The following ART3 variants were observed in gnomAD, a reference collection of about 807,000 sequenced individuals.
ART3 encodes ecto-ADP-ribosyltransferase 3.
In ART3, 49 loss-of-function variants were observed where a neutral mutation model predicts 48.5. The ratio of observed to expected loss-of-function variants is 1.01; its 90% CI spans 0.80 to 1.28. The LOEUF (loss-of-function observed/expected upper bound fraction) is 1.28, where lower values mean the gene tolerates loss of function less well. Ranked by LOEUF, ART3 falls within the 50% of genes most tolerant of loss-of-function variation. ART3 has a pLI of 0.00. For synonymous variants in ART3, 145 were observed against 157.2 expected (o/e 0.92, Z 0.58); for missense variants, 438 against 454.3 (o/e 0.96, Z 0.33).
upstream of ART3, among the ~76,000 whole-genome samples, chr4:76,074,343 A>G (rs192735093): frequency 1.3e-5 from 2 of 152,310 alleles, no homozygotes; most frequent in East Asian, 3.9e-4. Context: ...TAGTTGAGCG[A>G]ATGGTGATAG....
At chr4:76,047,527 T>G (rs909724599) in intron 1 of ART3, among the ~76,000 whole-genome samples, 1 of 152,044 alleles carries the variant, frequency 6.6e-6, no homozygotes, top group African/African-American at 2.4e-5. Flanking sequence ...AAGGATTTTC[T>G]TCCTTTCCCT....
At chr4:76,031,734 G>A (rs942317664) in intron 1 of ART3, among the ~76,000 whole-genome samples, 3 of 152,060 alleles carry the variant, frequency 2.0e-5, no homozygotes, top group African/African-American at 7.2e-5. Flanking sequence ...AGTTTATATT[G>A]CCATTCAATA....
At chr4:76,037,136 A>G (rs1734500578) in intron 1 of ART3, 1 of 153,248 alleles carries the variant, frequency 6.5e-6, no homozygotes, top group African/African-American at 2.4e-5. Flanking sequence ...TACTTAGTAC[A>G]TGAAGTTGTA....
intron 1 of ART3, chr4:76,036,151 T>C: frequency 1.6e-6 from 1 of 612,080 alleles, no homozygotes; most frequent in South Asian, 2.1e-5. Flanking sequence ...TTTCCCTCTT[T>C]GAGTCATGCA....
chr4:76,095,767 A>G (rs571054906), intron 3 of ART3, among the ~76,000 whole-genome samples: 7 of 152,192 alleles, frequency 4.6e-5, no homozygotes, highest in Non-Finnish European at 7.3e-5. Context: ...GCTACAGACA[A>G]AAGGCTTTTA....
chr4:76,022,791 A>G (rs776216030), intron 1 of ART3: 1 of 1,612,072 alleles, frequency 6.2e-7, no homozygotes, highest in Non-Finnish European at 8.5e-7. Flanking sequence ...ATGCAGGTAC[A>G]GCGTACAGTT....
At chr4:76,035,440 G>A (rs1734294548) in intron 1 of ART3, 2 of 1,228,262 alleles carry the variant, frequency 1.6e-6, no homozygotes, top group South Asian at 2.9e-5. Flanking sequence ...TTTCATTAAG[G>A]GTAAAGATAG....
At chr4:76,097,610 G>A (rs762591104) in intron 3 of ART3, 34 bp from the exon 4 acceptor site, 1 of 1,560,566 alleles carries the variant, frequency 6.4e-7, no homozygotes, top group South Asian at 1.1e-5. Context: ...GGTATATTAT[G>A]TCTAACTAAT....
chr4:76,059,252 T>G (rs1718958743), intron 1 of ART3, among the ~76,000 whole-genome samples: 1 of 152,218 alleles, frequency 6.6e-6, no homozygotes, highest in Non-Finnish European at 1.5e-5. Context: ...ACAGACTTTT[T>G]GGTTGCCTTT....
intron 4 of ART3, 138 bp downstream of exon 4, chr4:76,097,814 T>C: frequency 1.4e-6 from 1 of 696,942 alleles, no homozygotes; most frequent in Non-Finnish European, 2.4e-6. Context: ...GTGCTACTAC[T>C]GCTAGTACCT....
intron 1 of ART3, among the ~76,000 whole-genome samples, chr4:76,028,511 G>A (rs562002340): frequency 6.6e-6 from 1 of 152,192 alleles, no homozygotes; most frequent in African/African-American, 2.4e-5. Flanking sequence ...GAGCACAGAC[G>A]AAGGCAAAAA....
chr4:76,101,900 C>T (rs535937090), intron 8 of ART3, among the ~76,000 whole-genome samples: 1 of 152,140 alleles, frequency 6.6e-6, no homozygotes, highest in Non-Finnish European at 1.5e-5. Context: ...CCTTTTGACT[C>T]GGTTATAACA....
intron 10 of ART3, chr4:76,105,743 A>G: frequency 1.0e-6 from 1 of 985,446 alleles, no homozygotes; most frequent in Non-Finnish European, 1.2e-6. Context: ...GGCTGCTATT[A>G]CGGTTCTCTG....
intron 1 of ART3, among the ~76,000 whole-genome samples, chr4:76,031,954 T>C (rs898899024): frequency 6.6e-6 from 1 of 152,146 alleles, no homozygotes; most frequent in South Asian, 2.1e-4. Flanking sequence ...AAAGGCTTCT[T>C]GGAGAAAAAG....
intron 1 of ART3, chr4:76,022,948 G>T (rs1733005150): frequency 1.2e-6 from 1 of 859,802 alleles, no homozygotes; most frequent in East Asian, 2.5e-5. Context: ...AGGAGGAATG[G>T]ATCACATCAT....
At chr4:76,072,261 T>C (rs568469942), upstream of ART3, among the ~76,000 whole-genome samples, 11 of 152,310 alleles carry the variant, frequency 7.2e-5, no homozygotes, top group African/African-American at 2.2e-4. Context: ...AGTTATTACA[T>C]TTTTGAAAAT....
At chr4:76,016,261 A>G (rs939418123) in intron 1 of ART3, among the ~76,000 whole-genome samples, 6 of 152,206 alleles carry the variant, frequency 3.9e-5, no homozygotes, top group African/African-American at 1.4e-4. Flanking sequence ...GAGTGTTGCT[A>G]TCTAAGCCAT....
intron 1 of ART3, among the ~76,000 whole-genome samples, chr4:76,068,751 A>G (rs1313177562): frequency 2.6e-5 from 4 of 152,228 alleles, no homozygotes; most frequent in Admixed American, 6.5e-5. Flanking sequence ...GAGTTTACCT[A>G]TATAACAAAC....
intron 1 of ART3, among the ~76,000 whole-genome samples, chr4:76,013,983 A>G (rs964872549): frequency 1.3e-5 from 2 of 152,130 alleles, no homozygotes; most frequent in African/African-American, 4.8e-5. Flanking sequence ...TTCTTTACAT[A>G]TTTTGATTAG....
Sources: gnomAD v4.1 joint callset for allele counts (sites outside exome capture counted in the v4.1 genomes callset) on GRCh38, gnomAD v4.1.1 for gene constraint, MANE v1.5 for transcripts, NCBI Gene and HGNC (gene_info 2026-07-23, HGNC 2026-07-21) for gene names.